IDO2: variants seen among roughly 807,000 people sequenced by gnomAD.
The protein encoded by IDO2 is indoleamine 2,3-dioxygenase 2.
In IDO2, 46 loss-of-function variants were observed where a neutral mutation model predicts 45.1. That is an observed-to-expected ratio of 1.02 (90% CI 0.80 to 1.30). IDO2 has a LOEUF of 1.30. Ranked by LOEUF, IDO2 falls within the 50% of genes most tolerant of loss-of-function variation. The pLI is 0.00. For synonymous variants in IDO2, 218 were observed against 184.9 expected (o/e 1.18, Z -1.45); for missense variants, 544 against 491.8 (o/e 1.11, Z -1.00).
At chr8:40,011,512 A>G (rs1165078720) in intron 9 of IDO2, among the ~76,000 whole-genome samples, 1 of 152,058 alleles carries the variant, frequency 6.6e-6, no homozygotes, top group African/African-American at 2.4e-5. Flanking sequence ...AAATCACAAA[A>G]CCTCTCTGGA....
At chr8:39,979,845 G>A (rs572895604) in intron 4 of IDO2, among the ~76,000 whole-genome samples, 60 of 151,976 alleles carry the variant, frequency 3.9e-4, no homozygotes, top group Non-Finnish European at 6.2e-4. Flanking sequence ...TTTAAAACAG[G>A]GTTGCACCAT....
intron 9 of IDO2, among the ~76,000 whole-genome samples, chr8:40,008,611 G>T (rs1417558988): frequency 6.6e-6 from 1 of 152,152 alleles, no homozygotes; most frequent in Non-Finnish European, 1.5e-5. Flanking sequence ...AAGAATCTTG[G>T]AAAACCATTT....
At chr8:39,966,407 T>C (rs907378043) in intron 3 of IDO2, among the ~76,000 whole-genome samples, 1 of 152,206 alleles carries the variant, frequency 6.6e-6, no homozygotes, top group Admixed American at 6.5e-5. Context: ...AGGCTGAAAT[T>C]GAAACAGGAA....
chr8:40,005,227 A>G, intron 8 of IDO2, 100 bp from the exon 9 acceptor site: 1 of 642,356 alleles, frequency 1.6e-6, no homozygotes, highest in South Asian at 3.3e-5. Context: ...CATGCATATC[A>G]GATAGGGAAG....
chr8:39,938,367 AT>A (rs1807590103), intron 1 of IDO2, among the ~76,000 whole-genome samples: 1 of 152,196 alleles, frequency 6.6e-6, no homozygotes, highest in African/African-American at 2.4e-5. Flanking sequence ...CAGGAAATAT[AT>A]CTGTAAATGA....
rs149647092 is a variant in IDO2 at position 39,976,779 on chromosome 8, G to A, written c.196-2288G>A. On this transcript the variant is annotated intron_variant, in intron 3 of 10. Coordinates refer to ENST00000502986, the Ensembl canonical transcript of IDO2. ...TTAGCTGAGTAGCATTAAGAAAAGG[G>A]CTGAAGGTAGAGTACCTTTCCATTT... Among the ~76,000 whole-genome samples the A allele has an allele frequency of 2.3e-3, 355 of 152,228 alleles. 2 individuals are homozygous for A. Among genetic ancestry groups the A allele is most frequent in the African/African-American group, 8.2e-3 (340 of 41,532 alleles).
chr8:39,971,505 C>T (rs1808178487), intron 3 of IDO2, among the ~76,000 whole-genome samples: 1 of 152,244 alleles, frequency 6.6e-6, no homozygotes, highest in South Asian at 2.1e-4. Context: ...AAGAACTATA[C>T]TTTGTAAGGC....
intron 1 of IDO2, among the ~76,000 whole-genome samples, chr8:39,947,074 C>T (rs10216901): frequency 0.4 from 60,012 of 149,406 alleles, 12,120 homozygotes; most frequent in East Asian, 0.57. Flanking sequence ...GATAATCGCT[C>T]GAACCTGGGA....
chr8:40,013,603 A>G (rs751311652), exon 10 of IDO2: 5 of 1,613,832 alleles, frequency 3.1e-6, no homozygotes, highest in Non-Finnish European at 4.2e-6. Context: ...GGGCTGATGT[A>G]TGAAGGAGTT....
At chr8:39,972,752 A>C (rs534633153) in intron 3 of IDO2, among the ~76,000 whole-genome samples, 1 of 152,130 alleles carries the variant, frequency 6.6e-6, no homozygotes, top group Non-Finnish European at 1.5e-5. Flanking sequence ...AGCCACCCCA[A>C]CCTTCAGCAA....
chr8:40,015,780 G>T, exon 11 of IDO2: 1 of 594,516 alleles, frequency 1.7e-6, no homozygotes, highest in South Asian at 2.1e-5. Context: ...AAGGAGAGTT[G>T]ATGTGGCCAA....
intron 9 of IDO2, among the ~76,000 whole-genome samples, chr8:40,008,139 C>T (rs1037594437): frequency 2.6e-5 from 4 of 151,656 alleles, no homozygotes; most frequent in South Asian, 2.1e-4. Context: ...CTCCATCTCC[C>T]GGGTTCAAGT....
intron 4 of IDO2, among the ~76,000 whole-genome samples, chr8:39,979,447 A>T (rs1808309539): frequency 6.6e-6 from 1 of 152,058 alleles, no homozygotes; most frequent in Non-Finnish European, 1.5e-5. Flanking sequence ...CTCCCCTTCC[A>T]GGTTCAAGCA....
intron 1 of IDO2, among the ~76,000 whole-genome samples, chr8:39,943,643 A>G (rs538595202): frequency 1.0e-3 from 150 of 150,100 alleles, no homozygotes; most frequent in African/African-American, 3.4e-3. Flanking sequence ...AGGCTGAGGC[A>G]GGAGAATGGC....
chr8:40,004,568 C>CAGAT (rs1563441365), intron 8 of IDO2, among the ~76,000 whole-genome samples: 2 of 148,900 alleles, frequency 1.3e-5, no homozygotes. Flanking sequence ...GATAGATAGA[C>CAGAT]GATAGATAGA....
intron 3 of IDO2, among the ~76,000 whole-genome samples, chr8:39,970,085 G>A (rs2129594059): frequency 6.6e-6 from 1 of 152,268 alleles, no homozygotes; most frequent in South Asian, 2.1e-4. Flanking sequence ...TGGTATAGAG[G>A]AAGTTTGAGT....
chr8:39,972,211 G>A (rs535987870), intron 3 of IDO2, among the ~76,000 whole-genome samples: 16 of 152,334 alleles, frequency 1.1e-4, no homozygotes, highest in African/African-American at 3.6e-4. Context: ...TTGAGCTGCT[G>A]TTGAAATGTT....
At chr8:39,943,400 G>A (rs968131055) in intron 1 of IDO2, among the ~76,000 whole-genome samples, 12 of 151,488 alleles carry the variant, frequency 7.9e-5, no homozygotes, top group Admixed American at 6.6e-4. Flanking sequence ...AAGAAATTAG[G>A]TGTAGAAAGA....
At chr8:40,008,112 T>C in intron 9 of IDO2, among the ~76,000 whole-genome samples, 1 of 149,486 alleles carries the variant, frequency 6.7e-6, no homozygotes, top group Non-Finnish European at 1.5e-5. Flanking sequence ...AGTGGCACGA[T>C]CTCGGCTCAC....
Sources: allele counts gnomAD v4.1 joint callset (sites outside exome capture counted in the v4.1 genomes callset), GRCh38; gene constraint gnomAD v4.1.1; transcripts MANE v1.5; gene names NCBI Gene and HGNC (gene_info 2026-07-23, HGNC 2026-07-21).